Variants in PCDHGA6 observed in about 807,000 individuals in gnomAD.
The protein encoded by PCDHGA6 is protocadherin gamma subfamily A, 6.
A neutral mutation model predicts 60.6 loss-of-function variants in PCDHGA6; 41 were observed. The ratio of observed to expected loss-of-function variants is 0.68; its 90% CI spans 0.53 to 0.88. PCDHGA6 has a LOEUF of 0.88. Among genes scored for constraint, PCDHGA6 ranks in the 40% least tolerant of loss-of-function variants. PCDHGA6 has a pLI of 0.00. For missense variants in PCDHGA6, 1,312 were observed against 1,203.0 expected (o/e 1.09, Z -1.34); for synonymous variants, 594 against 524.4 (o/e 1.13, Z -1.81).
Position 141,477,741 on chromosome 5 carries a change from G to A in PCDHGA6, c.2425-17066G>A, listed in dbSNP as rs1438249932. On this transcript the variant is annotated intron_variant, in intron 1 of 3. Transcript: ENST00000517434. The surrounding 1 kb of genome is among the most constrained non-coding windows in gnomAD (Gnocchi z 4.9). ...GAATTAACAGCTCATATCAGCGATG[G>A]GGGCACCCCGGTCCTAGCCACCAAC... is the stretch of plus-strand genomic sequence containing the variant. 4 of 1,613,802 alleles carry A rather than the reference G, an allele frequency of 2.5e-6. No individual in the cohort carries two copies. The highest frequency in any genetic ancestry group is 1.7e-5 in the Admixed American group (1 of 60,026).
chr5:141,418,273 A>G (rs1440274831), intron 1 of PCDHGA6: 2 of 1,614,082 alleles, frequency 1.2e-6, no homozygotes, highest in Non-Finnish European at 8.5e-7. Flanking sequence ...AAGATGAAAT[A>G]AACTTAGAAA....
At chr5:141,404,153 T>G in intron 1 of PCDHGA6, 1 of 1,613,010 alleles carries the variant, frequency 6.2e-7, no homozygotes, top group Non-Finnish European at 8.5e-7. Context: ...AGAAGAAGAT[T>G]ATTACAGATT....
rs543209695 is a variant in PCDHGA6 at position 141,431,563 on chromosome 5, C to T, written c.2424+55056C>T. 24 of 1,614,026 alleles carry T rather than the reference C, an allele frequency of 1.5e-5. No individual in the cohort carries two copies. Among genetic ancestry groups the T allele is most frequent in the Non-Finnish European group, 1.9e-5 (23 of 1,180,046 alleles). ...AGCTGCTTGTAGTCAACGCTACCGA[C>T]CCTGACGAAGGAGTCAATGCGGAAG... On this transcript the variant is annotated intron_variant, in intron 1 of 3. Transcript: ENST00000517434. The surrounding 1 kb of genome is among the most constrained non-coding windows in gnomAD (Gnocchi z 4.8).
chr5:141,511,400 T>A lies in PCDHGA6; in HGVS notation c.*227T>A, dbSNP rs1208021848. On this transcript the variant is annotated 3_prime_UTR_variant, in exon 4 of 4. Coordinates refer to ENST00000517434, the MANE Select transcript of PCDHGA6 (RefSeq NM_018919.3). ...AGTTCCGCTGGGAACCCCCATCCAA[T>A]CAACTGCTGTACCCATGGGGGTAGT... 1.1e-5 allele frequency: 11 copies of A among 982,132 alleles called. No individual in the cohort carries two copies. Among genetic ancestry groups the A allele is most frequent in the African/African-American group, 3.3e-5 (2 of 60,924 alleles). 60.8% of individuals were successfully genotyped at this position (982,132 alleles called of 1,614,324 possible).
rs1407016089 is a variant in PCDHGA6 at position 141,489,914 on chromosome 5, C to T, written c.2425-4893C>T. On this transcript the variant is annotated intron_variant, in intron 1 of 3. Coordinates refer to ENST00000517434, the MANE Select transcript of PCDHGA6 (RefSeq NM_018919.3). The surrounding 1 kb of genome is among the most constrained non-coding windows in gnomAD (Gnocchi z 4.5). Reference sequence around the variant, plus strand: ...GGGGGGACCCCAGCCCGCTCAGGGACCACCCTTATCTCTGTCATCGTGCTG... The same window carrying T: ...GGGGGGACCCCAGCCCGCTCAGGGATCACCCTTATCTCTGTCATCGTGCTG... 3 of 1,614,094 alleles carry T rather than the reference C, an allele frequency of 1.9e-6. No individual in the cohort carries two copies. Among genetic ancestry groups the T allele is most frequent in the African/African-American group, 2.7e-5 (2 of 74,936 alleles).
At chr5:141,481,180 T>C (rs1354907506) in intron 1 of PCDHGA6, among the ~76,000 whole-genome samples, 1 of 152,236 alleles carries the variant, frequency 6.6e-6, no homozygotes, top group Admixed American at 6.5e-5. Flanking sequence ...CCAGCTTTAT[T>C]GGGCCAGGCC....
At position 141,511,519 on chromosome 5, in the gene PCDHGA6, C is replaced by A; in HGVS notation, c.*346C>A. On this transcript the variant is annotated 3_prime_UTR_variant, in exon 4 of 4. Transcript: ENST00000517434. ...CCAAATCAATCAGGCCCATCCATCC[C>A]ATGCCTCCCTCCTCCCCACCCCACT... 2.7e-6 allele frequency: 1 copy of A among 367,516 alleles called. No individual in the cohort carries two copies. The highest frequency in any genetic ancestry group is 2.7e-5 in the South Asian group (1 of 36,848). 22.8% of individuals were successfully genotyped at this position (367,516 alleles called of 1,614,324 possible). A position where few individuals can be genotyped will look rare whatever the true frequency, so the allele number is the denominator to read the frequency against.
At chr5:141,427,940 C>T (rs1391166364) in intron 1 of PCDHGA6, 1 of 1,585,904 alleles carries the variant, frequency 6.3e-7, no homozygotes. Context: ...TGGTGGGCGA[C>T]CTCAATGACA....
chr5:141,390,999 A>C (rs982856270), intron 1 of PCDHGA6: 23 of 152,216 alleles, frequency 1.5e-4, no homozygotes, highest in African/African-American at 5.6e-4. Context: ...ATTCAAGCTC[A>C]TTCTATATCC....
chr5:141,374,737 C>A lies in PCDHGA6; in HGVS notation c.654C>A (p.Gly218=). Residue 218 remains glycine (G), a synonymous_variant, in exon 1 of 4, where the codon GGC becomes GGA. Coordinates refer to ENST00000517434, the MANE Select transcript of PCDHGA6 (RefSeq NM_018919.3). ...YRLVLTAMDG[G]DPVRSSVAQI... ...TGGTCCTTACTGCCATGGATGGCGG[C>A]GACCCTGTCCGCTCAAGCGTCGCCC... 1.2e-6 allele frequency: 2 copies of A among 1,610,672 alleles called. No individual in the cohort carries two copies. The highest frequency in any genetic ancestry group is 1.7e-6 in the Non-Finnish European group (2 of 1,178,356).
At chr5:141,461,190 T>C (rs2099010725) in intron 1 of PCDHGA6, among the ~76,000 whole-genome samples, 1 of 152,142 alleles carries the variant, frequency 6.6e-6, no homozygotes, top group Non-Finnish European at 1.5e-5. Context: ...TAGATCTGTT[T>C]TTTGCTCTTT....
chr5:141,433,017 A>T, intron 1 of PCDHGA6: 1 of 1,614,124 alleles, frequency 6.2e-7, no homozygotes, highest in Non-Finnish European at 8.5e-7. Flanking sequence ...CTGCAGACCT[A>T]TTCCCACGAG....
chr5:141,452,459 C>T (rs545368648), intron 1 of PCDHGA6, among the ~76,000 whole-genome samples: 38 of 152,246 alleles, frequency 2.5e-4, no homozygotes, highest in Middle Eastern at 6.8e-3. Context: ...TGTCAGCAGA[C>T]GGAGCTAGGA....
intron 1 of PCDHGA6, chr5:141,390,362 G>A: frequency 6.5e-7 from 1 of 1,533,010 alleles, no homozygotes. Flanking sequence ...ATATTTGCAG[G>A]AAAATATATA....
intron 1 of PCDHGA6, chr5:141,394,500 C>A (rs1450931785): frequency 3.7e-6 from 6 of 1,614,124 alleles, no homozygotes; most frequent in Non-Finnish European, 5.1e-6. Context: ...GCCCGAGATC[C>A]TGTACCCCGC....
At chr5:141,394,060 C>A (rs1437765710) in intron 1 of PCDHGA6, 9 of 1,613,662 alleles carry the variant, frequency 5.6e-6, no homozygotes, top group African/African-American at 4.0e-5. Context: ...GAAAATGTCT[C>A]TATCTACAAT....
At chr5:141,389,320 T>TG (rs764190187) in intron 1 of PCDHGA6, 4 of 1,613,964 alleles carry the variant, frequency 2.5e-6, no homozygotes, top group Non-Finnish European at 3.4e-6. Context: ...GATCCGGACT[T>TG]GGGGCCCAAC....
At position 141,376,211 on chromosome 5, in the gene PCDHGA6, G is replaced by T; in HGVS notation, c.2128G>T (p.Val710Leu). The T allele has an allele frequency of 6.2e-7, 1 of 1,614,180 alleles. No homozygotes were observed. Among genetic ancestry groups the T allele is most frequent in the South Asian group, 1.1e-5 (1 of 91,070 alleles). ...VSCVFLAFVI[V>L]LLALRLQRWH... ...CTGCGTCTTCCTGGCCTTCGTCATC[G>T]TGCTGCTGGCGCTCAGACTGCAGCG... Residue 710 changes from valine (V) to leucine (L), a missense_variant, in exon 1 of 4, where the codon GTG becomes TTG. Val to Leu is a conservative substitution (Grantham distance 32, BLOSUM62 1). Transcript: ENST00000517434.
At position 141,477,896 on chromosome 5, in the gene PCDHGA6, G is replaced by A. The variant is rs1444527086; in HGVS notation, c.2425-16911G>A. 2 of 1,614,174 alleles carry A rather than the reference G, an allele frequency of 1.2e-6. No individual in the cohort carries two copies. Among genetic ancestry groups the A allele is most frequent in the Non-Finnish European group, 1.7e-6 (2 of 1,180,038 alleles). ...AGCTGGCCACCTAGTGTCACGGGTG[G>A]TAGGCTGGGACGCGGATGCAGGGCA... On this transcript the variant is annotated intron_variant, in intron 1 of 3. Coordinates refer to ENST00000517434, the MANE Select transcript of PCDHGA6 (RefSeq NM_018919.3). The surrounding 1 kb of genome is among the most constrained non-coding windows in gnomAD (Gnocchi z 4.9).
Sources: gnomAD v4.1 joint callset for allele counts (sites outside exome capture counted in the v4.1 genomes callset) on GRCh38, gnomAD v4.1.1 for gene constraint, Gnocchi (gnomAD v3.1) non-coding constraint, MANE v1.5 for transcripts, NCBI Gene and HGNC (gene_info 2026-07-23, HGNC 2026-07-21) for gene names.